Variants in PLPP4 observed in about 807,000 individuals in gnomAD.
PLPP4 encodes the protein diacylglycerol pyrophosphate like 2.
PLPP4 carries 20 observed loss-of-function variants against 32.2 expected under a neutral mutation model. The ratio of observed to expected loss-of-function variants is 0.62; its 90% CI spans 0.44 to 0.90. The LOEUF (loss-of-function observed/expected upper bound fraction) is 0.90, where lower values mean the gene tolerates loss of function less well. PLPP4 is among the 40% of genes least tolerant of loss of function. PLPP4 has a pLI of 0.00. For missense variants in PLPP4, 257 were observed against 353.1 expected (o/e 0.73, Z 2.18); for synonymous variants, 127 against 133.0 (o/e 0.95, Z 0.31).
At position 120,589,676 on chromosome 10, in the gene PLPP4, A is replaced by C. The variant is rs902985709; in HGVS notation, c.*174A>C. 1 of 590,138 alleles carries C rather than the reference A, an allele frequency of 1.7e-6. No individual in the cohort carries two copies. The highest frequency in any genetic ancestry group is 2.9e-6 in the Non-Finnish European group (1 of 339,774). 36.6% of individuals were successfully genotyped at this position (590,138 alleles called of 1,614,324 possible). On this transcript the variant is annotated 3_prime_UTR_variant, in exon 7 of 7. Transcript: ENST00000398250. ...CCTGCTACTTTAAATGTCTACTTCC[A>C]ACATCCTTGAATTTGCAAGTGAAGG...
intron 1 of PLPP4, 32 bp downstream of exon 1, chr10:120,457,393 C>G (rs1847834442): frequency 6.6e-7 from 1 of 1,522,864 alleles, no homozygotes; most frequent in Non-Finnish European, 8.8e-7. Flanking sequence ...GCAGGGCGCA[C>G]TGACGCGGGG....
chr10:120,488,861 T>TGTTA (rs1253307016), intron 1 of PLPP4, among the ~76,000 whole-genome samples: 1 of 152,228 alleles, frequency 6.6e-6, no homozygotes, highest in African/African-American at 2.4e-5. Context: ...TTTTGATGCT[T>TGTTA]GTTAGCTGAA....
At chr10:120,486,117 C>T (rs1844435893) in intron 1 of PLPP4, among the ~76,000 whole-genome samples, 1 of 152,180 alleles carries the variant, frequency 6.6e-6, no homozygotes, top group African/African-American at 2.4e-5. Flanking sequence ...TGTAATGTCA[C>T]ACTTGGTGTC....
chr10:120,498,843 A>T (rs1845097787), intron 1 of PLPP4, among the ~76,000 whole-genome samples: 1 of 151,900 alleles, frequency 6.6e-6, no homozygotes, highest in Non-Finnish European at 1.5e-5. Context: ...TGTTTTTAGT[A>T]CAGAAGGGGT....
At chr10:120,459,280 C>T (rs2133764283) in intron 1 of PLPP4, among the ~76,000 whole-genome samples, 1 of 152,226 alleles carries the variant, frequency 6.6e-6, no homozygotes, top group East Asian at 1.9e-4. Flanking sequence ...GGATGACTCC[C>T]AGGTTTCTTA....
chr10:120,475,806 A>G (rs1341903843), intron 1 of PLPP4, among the ~76,000 whole-genome samples: 1 of 152,228 alleles, frequency 6.6e-6, no homozygotes, highest in African/African-American at 2.4e-5. Flanking sequence ...AGGGCACCAC[A>G]TGTCACAATG....
At chr10:120,531,503 T>C (rs1327967808) in intron 5 of PLPP4, among the ~76,000 whole-genome samples, 1 of 152,192 alleles carries the variant, frequency 6.6e-6, no homozygotes. Context: ...TTGCACTCTG[T>C]GTCCTAAGAA....
At chr10:120,492,193 T>G (rs958887681) in intron 1 of PLPP4, among the ~76,000 whole-genome samples, 1 of 152,190 alleles carries the variant, frequency 6.6e-6, no homozygotes, top group African/African-American at 2.4e-5. Context: ...TGTCAGCTGC[T>G]GCACCCAGGT....
intron 3 of PLPP4, 41 bp downstream of exon 3, chr10:120,514,042 C>A (rs1281315639): frequency 7.1e-7 from 1 of 1,398,936 alleles, no homozygotes; most frequent in East Asian, 2.3e-5. Flanking sequence ...ATGGGGCTGA[C>A]CTTAATTAGA....
At chr10:120,574,129 T>TAC (rs751622346) in intron 5 of PLPP4, among the ~76,000 whole-genome samples, 1,089 of 56,938 alleles carry the variant, frequency 0.019, 55 homozygotes, top group Non-Finnish European at 0.024. Flanking sequence ...ATCTGGGGAG[T>TAC]ACACACACAC....
rs1198129063 is a variant in PLPP4 at position 120,591,048 on chromosome 10, C to T, written c.*1546C>T. On this transcript the variant is annotated 3_prime_UTR_variant, in exon 7 of 7. Coordinates refer to ENST00000398250, the MANE Select transcript of PLPP4 (RefSeq NM_001030059.3). ...CCTCCCAAAGTGCTGGGATTATAAGCGTGAGCCACTGCACCTGGCCAAGAG... is the reference window on the plus strand; with the variant it reads ...CCTCCCAAAGTGCTGGGATTATAAGTGTGAGCCACTGCACCTGGCCAAGAG... 2.6e-5 allele frequency among the ~76,000 whole-genome samples: 4 copies of T among 152,194 alleles called. No individual in the cohort carries two copies. Among genetic ancestry groups the T allele is most frequent in the Non-Finnish European group, 4.4e-5 (3 of 68,014 alleles).
In PLPP4 at chr10:120,485,382, C is replaced by T. The variant is rs1298827120; in HGVS notation, c.57-18436C>T. On this transcript the variant is annotated intron_variant, in intron 1 of 6. Coordinates refer to ENST00000398250, the MANE Select transcript of PLPP4 (RefSeq NM_001030059.3). ...CTCTGCATTAGGACTGGAGGGGACC[C>T]CTTTGTCTCTCTTTTCCATACCCAA... is the stretch of plus-strand genomic sequence containing the variant. 8.5e-5 allele frequency among the ~76,000 whole-genome samples: 13 copies of T among 152,224 alleles called. 1 individual carries two copies. The highest frequency in any genetic ancestry group is 1.5e-5 in the Non-Finnish European group (1 of 68,034).
chr10:120,480,756 C>T (rs1342659897), intron 1 of PLPP4, among the ~76,000 whole-genome samples: 2 of 152,148 alleles, frequency 1.3e-5, no homozygotes. Flanking sequence ...TGCTAATCTG[C>T]CCCCAACACT....
intron 1 of PLPP4, among the ~76,000 whole-genome samples, chr10:120,500,909 A>G (rs2133860566): frequency 6.6e-6 from 1 of 152,326 alleles, no homozygotes; most frequent in African/African-American, 2.4e-5. Flanking sequence ...AGATTGTTTT[A>G]TAGCCAAATG....
intron 1 of PLPP4, among the ~76,000 whole-genome samples, chr10:120,465,306 C>G (rs1054726694): frequency 6.6e-6 from 1 of 152,210 alleles, no homozygotes; most frequent in Non-Finnish European, 1.5e-5. Context: ...CCAGAAGCTT[C>G]AGAGGTGTTA....
intron 5 of PLPP4, among the ~76,000 whole-genome samples, chr10:120,551,723 T>TA (rs377139951): frequency 3.3e-4 from 50 of 152,328 alleles, no homozygotes; most frequent in African/African-American, 1.2e-3. Flanking sequence ...GCAAGAGCTG[T>TA]AACGGATTAT....
chr10:120,585,784 G>A (rs1849724151), intron 6 of PLPP4, among the ~76,000 whole-genome samples: 1 of 152,140 alleles, frequency 6.6e-6, no homozygotes. Flanking sequence ...GCCTCCAAAT[G>A]GCCAACAGTT....
At chr10:120,553,838 C>T (rs1456879590) in intron 5 of PLPP4, among the ~76,000 whole-genome samples, 2 of 152,156 alleles carry the variant, frequency 1.3e-5, no homozygotes, top group African/African-American at 2.4e-5. Context: ...GCAGTGAGGC[C>T]CTGGGCCTGG....
intron 6 of PLPP4, among the ~76,000 whole-genome samples, chr10:120,586,672 C>G (rs1849776441): frequency 6.6e-6 from 1 of 152,200 alleles, no homozygotes; most frequent in South Asian, 2.1e-4. Context: ...CCATTTCCCT[C>G]AACAAACATA....
Sources: allele counts gnomAD v4.1 joint callset (sites outside exome capture counted in the v4.1 genomes callset), GRCh38; gene constraint gnomAD v4.1.1; transcripts MANE v1.5; gene names NCBI Gene and HGNC (gene_info 2026-07-23, HGNC 2026-07-21).